TBRG1: variants seen among roughly 807,000 people sequenced by gnomAD.
TBRG1 encodes the protein nuclear interactor of ARF and MDM2.
A neutral mutation model predicts 44.0 loss-of-function variants in TBRG1; 31 were observed. The observed-to-expected ratio is 0.70, with a 90% CI of 0.53 to 0.95. The LOEUF (loss-of-function observed/expected upper bound fraction) is 0.95, where lower values mean the gene tolerates loss of function less well. Among genes scored for constraint, TBRG1 ranks in the 40% least tolerant of loss-of-function variants. The pLI is 0.00. For missense variants in TBRG1, 487 were observed against 496.1 expected (o/e 0.98, Z 0.18); for synonymous variants, 171 against 188.1 (o/e 0.91, Z 0.74).
intron 1 of TBRG1, chr11:124,623,575 A>T (rs562394224): frequency 2.7e-6 from 1 of 376,262 alleles, no homozygotes; most frequent in Non-Finnish European, 5.1e-6. Context: ...AGAATTAGGC[A>T]TTATTTGTAA....
At chr11:124,626,736 G>C in intron 4 of TBRG1, 127 bp downstream of exon 4, 1 of 1,422,634 alleles carries the variant, frequency 7.0e-7, no homozygotes, top group Non-Finnish European at 9.7e-7. Context: ...CGTATCTCCA[G>C]TCCCTGCAAA....
rs1942675540 is a variant in TBRG1 at position 124,634,373 on chromosome 11, A to G, written c.*2135A>G. 6.6e-6 allele frequency: 1 copy of G among 152,192 alleles called. No homozygotes were observed. Among genetic ancestry groups the G allele is most frequent in the Non-Finnish European group, 1.5e-5 (1 of 68,044 alleles). The allele number at this position is 152,192 out of a possible 1,614,324, so 9.4% of individuals were successfully genotyped here. ...AAAACACCTTGAAAAACACTGCCTT[A>G]GTATACTTAAACTATCTTTTCATCT... On this transcript the variant is annotated 3_prime_UTR_variant, in exon 9 of 9. Coordinates refer to ENST00000441174, the MANE Select transcript of TBRG1 (RefSeq NM_032811.3).
In TBRG1 at chr11:124,626,466, G is replaced by A. The variant is rs149362179; in HGVS notation, c.455-7G>A. On this transcript the variant is annotated splice_region_variant and splice_polypyrimidine_tract_variant and intron_variant, in intron 3 of 8. Coordinates refer to ENST00000441174, the MANE Select transcript of TBRG1 (RefSeq NM_032811.3). ...CTAAAGTGGGTGACCCCAGATTTGC[G>A]TTTCAGTTCTGAAGAAAACATGCAA... 50 of 1,525,274 alleles carry A rather than the reference G, an allele frequency of 3.3e-5. No homozygotes were observed. In the African/African-American group the frequency reaches 3.3e-4, roughly 10 times the overall value. 94.5% of individuals were successfully genotyped at this position (1,525,274 alleles called of 1,614,324 possible). A position where few individuals can be genotyped will look rare whatever the true frequency, so the allele number is the denominator to read the frequency against.
At chr11:124,629,270 C>T (rs1209354012) in intron 5 of TBRG1, among the ~76,000 whole-genome samples, 2 of 151,730 alleles carry the variant, frequency 1.3e-5, no homozygotes, top group African/African-American at 4.8e-5. Context: ...ACCCGGGAGG[C>T]GGAGCTTGCA....
At chr11:124,623,290 T>G in intron 1 of TBRG1, 57 bp downstream of exon 1, 1 of 1,540,358 alleles carries the variant, frequency 6.5e-7, no homozygotes, top group Non-Finnish European at 8.8e-7. Flanking sequence ...ACAAAATCTT[T>G]CCCCAAGCTG....
chr11:124,625,011 C>T lies in TBRG1; in HGVS notation c.221+10C>T. 1 of 1,536,714 alleles carries T rather than the reference C, an allele frequency of 6.5e-7. No homozygotes were observed. Among genetic ancestry groups the T allele is most frequent in the Non-Finnish European group, 8.8e-7 (1 of 1,135,298 alleles). On this transcript the variant is annotated intron_variant, in intron 2 of 8. Transcript: ENST00000441174. ...CAAAAGAAGAAAGAAGGTGAGCTGG[C>T]TTCATTTTGTGTTCAGCATCACCTT...
At chr11:124,631,155 A>G in intron 7 of TBRG1, 120 bp from the exon 8 acceptor site, 3 of 979,414 alleles carry the variant, frequency 3.1e-6, no homozygotes, top group South Asian at 1.9e-5. Context: ...GTTAGCAAAT[A>G]TGTGTTTTAG....
Position 124,635,536 on chromosome 11 carries a change from C to G in TBRG1, c.*3298C>G, listed in dbSNP as rs1942711052. 1 of 152,038 alleles carries G rather than the reference C, an allele frequency of 6.6e-6. No homozygotes were observed. 9.4% of individuals were successfully genotyped at this position (152,038 alleles called of 1,614,324 possible). On this transcript the variant is annotated 3_prime_UTR_variant, in exon 9 of 9. Coordinates refer to ENST00000441174, the MANE Select transcript of TBRG1 (RefSeq NM_032811.3). ...TAAAAAGTTCCTAAATTGGGGGAAA[C>G]ATAGTGAATTCCACATAATGTTTTA... is the stretch of plus-strand genomic sequence containing the variant.
rs1942685451 is a variant in TBRG1, at chr11:124,634,749, A to G, written c.*2511A>G. 1 of 152,244 alleles carries G rather than the reference A, an allele frequency of 6.6e-6. No individual in the cohort carries two copies. The highest frequency in any genetic ancestry group is 2.1e-4 in the South Asian group (1 of 4,838). The allele number at this position is 152,244 out of a possible 1,614,324, so 9.4% of individuals were successfully genotyped here. On this transcript the variant is annotated 3_prime_UTR_variant, in exon 9 of 9. Transcript: ENST00000441174. ...CTATATTCTATTATTTACATAAGAA[A>G]ATTATTTTGGTAAAGTAAGTAAGTC...
In TBRG1 at chr11:124,626,906, C is replaced by A; in HGVS notation, c.594C>A (p.Ile198=). 1 of 1,604,674 alleles carries A rather than the reference C, an allele frequency of 6.2e-7. No individual in the cohort carries two copies. Among genetic ancestry groups the A allele is most frequent in the Non-Finnish European group, 8.5e-7 (1 of 1,175,044 alleles). Residue 198 remains isoleucine, a splice_region_variant and synonymous_variant, in exon 5 of 9, where the codon ATC becomes ATA. Coordinates refer to ENST00000441174, the MANE Select transcript of TBRG1 (RefSeq NM_032811.3). ...GGLTVYSLGE[I]ITDRPGFHDE... is the part of the protein sequence containing the mutation. ...GGTTGGGGGAATGTTTTTTATAGAT[C>A]ATCACCGACCGACCTGGCTTTCATG... is the stretch of plus-strand genomic sequence containing the variant.
chr11:124,628,096 TATATATATATATATATATATAC>T (rs1448756724), intron 5 of TBRG1, among the ~76,000 whole-genome samples: 510 of 79,046 alleles, frequency 6.5e-3, no homozygotes, highest in African/African-American at 8.9e-3. Context: ...TATATATATA[TATATATATATATATATATATAC>T]ACACACACAC....
intron 8 of TBRG1, 25 bp from the exon 9 acceptor site, chr11:124,632,068 G>A (rs1942627878): frequency 6.2e-7 from 1 of 1,612,532 alleles, no homozygotes; most frequent in Admixed American, 1.7e-5. Context: ...AGCAGCAGTG[G>A]AACTTAAGGA....
chr11:124,625,784 T>C lies in TBRG1; in HGVS notation c.335T>C (p.Val112Ala). 1 of 1,578,600 alleles carries C rather than the reference T, an allele frequency of 6.3e-7. No homozygotes were observed. Among genetic ancestry groups the C allele is most frequent in the Non-Finnish European group, 8.6e-7 (1 of 1,161,000 alleles). ...LPLTYGVASSVGTIQGAGPIS... is the reference protein window; with the variant it reads ...LPLTYGVASSAGTIQGAGPIS... ...CTGACTTATGGTGTGGCCAGCTCTG[T>C]GGGAACTATACAGGGAGCTGGGCCT... The change falls in exon 3 of 9, where the codon GTG (valine) becomes GCG (alanine). Residue 112 changes from valine to alanine, a missense_variant. Transcript: ENST00000441174.
At position 124,631,395 on chromosome 11, in the gene TBRG1, T is replaced by A. The variant is rs1942607169; in HGVS notation, c.1068T>A (p.Asp356Glu). The change falls in exon 8 of 9, where the codon GAT (aspartate) becomes GAA (glutamate). Residue 356 changes from aspartate (D) to glutamate (E), a missense_variant. Asp to Glu is a conservative substitution (Grantham distance 45, BLOSUM62 2). Transcript: ENST00000441174. ...EAFQRQIFDEDQNDPLLPGSL... is the reference protein window; with the variant it reads ...EAFQRQIFDEEQNDPLLPGSL... ...TTCAGAGACAGATCTTTGATGAAGA[T>A]CAGAATGATCCCCTTCTGCCAGGTA... The A allele has an allele frequency of 3.7e-6, 6 of 1,614,006 alleles. No individual in the cohort carries two copies. In the East Asian group the frequency reaches 1.3e-4, roughly 36 times the overall value.
chr11:124,625,315 A>G (rs556423324), intron 2 of TBRG1, among the ~76,000 whole-genome samples: 8 of 152,256 alleles, frequency 5.3e-5, no homozygotes, highest in Admixed American at 2.6e-4. Flanking sequence ...GCCAAGTGAT[A>G]AAAGCAACTG....
chr11:124,625,138 A>G, intron 2 of TBRG1, 137 bp downstream of exon 2: 1 of 625,148 alleles, frequency 1.6e-6, no homozygotes, highest in East Asian at 2.9e-5. Flanking sequence ...CCACTTGATC[A>G]AGCACAGAGA....
chr11:124,623,391 G>A (rs773471145), intron 1 of TBRG1, 158 bp downstream of exon 1: 11 of 821,342 alleles, frequency 1.3e-5, no homozygotes, highest in South Asian at 1.3e-4. Context: ...GACAAATTAC[G>A]TAATTTCTCT....
chr11:124,635,251 C>T lies in TBRG1; in HGVS notation c.*3013C>T, dbSNP rs937855565. The T allele has an allele frequency of 6.6e-6, 1 of 152,108 alleles. No homozygotes were observed. Among genetic ancestry groups the T allele is most frequent in the Non-Finnish European group, 1.5e-5 (1 of 68,026 alleles). 9.4% of individuals were successfully genotyped at this position (152,108 alleles called of 1,614,324 possible). The stretch of plus-strand genomic sequence containing the variant: ...TACAAGGTTCATGGTTTCTATGGGG[C>T]CAGATGCATGAGAGGTCAAAGCATG... On this transcript the variant is annotated 3_prime_UTR_variant, in exon 9 of 9. Coordinates refer to ENST00000441174, the MANE Select transcript of TBRG1 (RefSeq NM_032811.3).
chr11:124,625,573 T>C, intron 2 of TBRG1, 98 bp from the exon 3 acceptor site: 1 of 1,066,394 alleles, frequency 9.4e-7, no homozygotes, highest in Non-Finnish European at 1.3e-6. Context: ...TATAGTAATC[T>C]TTGTATATAA....
Sources: gnomAD v4.1 joint callset for allele counts (sites outside exome capture counted in the v4.1 genomes callset) on GRCh38, gnomAD v4.1.1 for gene constraint, MANE v1.5 for transcripts, NCBI Gene and HGNC (gene_info 2026-07-23, HGNC 2026-07-21) for gene names.